Variants in SLCO6A1 observed in about 807,000 individuals in gnomAD.
The protein encoded by SLCO6A1 is cancer/testis antigen 48.
Under a neutral mutation model 72.7 loss-of-function variants are expected in SLCO6A1, and 65 were observed. The observed-to-expected ratio is 0.89, with a 90% CI of 0.73 to 1.10. SLCO6A1 has a LOEUF of 1.10. Among genes scored for constraint, SLCO6A1 ranks in the 50% least tolerant of loss-of-function variants. The pLI, the probability that SLCO6A1 is intolerant of heterozygous loss-of-function variation, is 0.00. For missense variants in SLCO6A1, 874 were observed against 872.6 expected (o/e 1.00, Z -0.02); for synonymous variants, 314 against 298.2 (o/e 1.05, Z -0.55).
chr5:102,472,200 A>T (rs780794145), intron 4 of SLCO6A1, among the ~76,000 whole-genome samples: 14 of 152,072 alleles, frequency 9.2e-5, no homozygotes, highest in Non-Finnish European at 1.9e-4. Flanking sequence ...TTAGAGAGGC[A>T]AACAAAATAT....
chr5:102,437,150 T>C (rs886506788), intron 7 of SLCO6A1, among the ~76,000 whole-genome samples: 1 of 152,184 alleles, frequency 6.6e-6, no homozygotes, highest in African/African-American at 2.4e-5. Flanking sequence ...GCAAAATTTG[T>C]CTGTGACTTG....
chr5:102,404,593 C>T (rs1038799721), intron 9 of SLCO6A1, among the ~76,000 whole-genome samples: 6 of 152,116 alleles, frequency 3.9e-5, no homozygotes, highest in African/African-American at 1.2e-4. Flanking sequence ...GAACTATCAA[C>T]ATTTTTTAAT....
intron 6 of SLCO6A1, among the ~76,000 whole-genome samples, chr5:102,458,165 T>C (rs1048860750): frequency 4.6e-5 from 7 of 152,028 alleles, no homozygotes; most frequent in Non-Finnish European, 1.5e-5. Context: ...AATGAGTTAC[T>C]GGGTTCAGCA....
chr5:102,488,360 C>T (rs568681752), intron 1 of SLCO6A1, among the ~76,000 whole-genome samples: 12 of 152,194 alleles, frequency 7.9e-5, no homozygotes, highest in African/African-American at 2.2e-4. Flanking sequence ...CAATTCTCCT[C>T]GATTTATCAA....
At chr5:102,476,219 T>G (rs369732688) in intron 3 of SLCO6A1, among the ~76,000 whole-genome samples, 1 of 151,924 alleles carries the variant, frequency 6.6e-6, no homozygotes, top group East Asian at 1.9e-4. Context: ...TAAAAAAAAT[T>G]TTAAACACAA....
At chr5:102,475,284 T>C (rs1180888558) in intron 4 of SLCO6A1, among the ~76,000 whole-genome samples, 4 of 152,126 alleles carry the variant, frequency 2.6e-5, no homozygotes, top group Non-Finnish European at 5.9e-5. Flanking sequence ...TATCCTGTTA[T>C]ATGCTACAAC....
intron 13 of SLCO6A1, 55 bp downstream of exon 13, chr5:102,373,282 T>TA: frequency 8.7e-7 from 1 of 1,143,080 alleles, no homozygotes; most frequent in Non-Finnish European, 1.1e-6. Context: ...ATTATTACTT[T>TA]AAATTTTATT....
At chr5:102,452,290 C>T (rs951905177) in intron 6 of SLCO6A1, among the ~76,000 whole-genome samples, 4 of 152,210 alleles carry the variant, frequency 2.6e-5, no homozygotes, top group Non-Finnish European at 4.4e-5. Context: ...TATTCCTTAC[C>T]AAATTCCATC....
At chr5:102,463,890 A>G (rs993604661) in intron 4 of SLCO6A1, among the ~76,000 whole-genome samples, 5 of 95,322 alleles carry the variant, frequency 5.2e-5, no homozygotes, top group African/African-American at 1.4e-4. Flanking sequence ...CCGTCTCAAA[A>G]AAGAAGAAAA....
At chr5:102,476,764 C>A (rs1338650923) in intron 3 of SLCO6A1, among the ~76,000 whole-genome samples, 1 of 151,880 alleles carries the variant, frequency 6.6e-6, no homozygotes, top group East Asian at 1.9e-4. Flanking sequence ...GGTGCTCTAG[C>A]AAGATGATAC....
intron 7 of SLCO6A1, among the ~76,000 whole-genome samples, chr5:102,429,435 G>C (rs1367538280): frequency 6.6e-6 from 1 of 151,880 alleles, no homozygotes; most frequent in African/African-American, 2.4e-5. Flanking sequence ...TTATAGTTTT[G>C]GGTTTTACAT....
At chr5:102,424,120 C>T (rs905180113) in intron 7 of SLCO6A1, among the ~76,000 whole-genome samples, 8 of 152,080 alleles carry the variant, frequency 5.3e-5, no homozygotes, top group African/African-American at 1.9e-4. Context: ...ACAGCTAAAG[C>T]AGTGTTTAGA....
At chr5:102,496,863 C>T (rs1402963862) in intron 1 of SLCO6A1, among the ~76,000 whole-genome samples, 2 of 152,176 alleles carry the variant, frequency 1.3e-5, no homozygotes, top group Admixed American at 1.3e-4. Context: ...AAACAAAACA[C>T]GATTCATTAA....
intron 1 of SLCO6A1, among the ~76,000 whole-genome samples, chr5:102,488,158 T>A (rs1752523303): frequency 6.6e-6 from 1 of 152,194 alleles, no homozygotes; most frequent in Admixed American, 6.5e-5. Flanking sequence ...GAAAATTTTA[T>A]AATGATAAAG....
rs1386528546 is a variant in SLCO6A1, at chr5:102,402,329, C to G, written c.1627-2587G>C. Among the ~76,000 whole-genome samples, 3 of 151,968 alleles carry G rather than the reference C, an allele frequency of 2.0e-5. No homozygotes were observed. The East Asian group carries it at 5.8e-4, about 29-fold the overall frequency. ...TAGAAAGAATGCCAGTGAACCAGGG[C>G]CTAAAATCCTCAAGGAATGGGAGGA... On this transcript the variant is annotated intron_variant, in intron 9 of 13. Coordinates refer to ENST00000506729, the MANE Select transcript of SLCO6A1 (RefSeq NM_173488.5).
chr5:102,393,151 C>T (rs1036012178), intron 10 of SLCO6A1, among the ~76,000 whole-genome samples: 1 of 152,030 alleles, frequency 6.6e-6, no homozygotes, highest in Non-Finnish European at 1.5e-5. Context: ...CAATTTATCT[C>T]CCAATAACCA....
intron 6 of SLCO6A1, among the ~76,000 whole-genome samples, chr5:102,445,386 GA>G (rs1750053568): frequency 6.6e-6 from 1 of 152,068 alleles, no homozygotes; most frequent in Admixed American, 6.6e-5. Flanking sequence ...AGACACTCTT[GA>G]AAAAGTGTCT....
intron 6 of SLCO6A1, among the ~76,000 whole-genome samples, chr5:102,457,899 A>G (rs567089152): frequency 6.6e-4 from 101 of 152,292 alleles, no homozygotes; most frequent in Non-Finnish European, 8.5e-4. Context: ...TGGCATATAT[A>G]CACCATGGAA....
chr5:102,410,195 C>T (rs923767827), intron 9 of SLCO6A1, among the ~76,000 whole-genome samples: 12 of 152,058 alleles, frequency 7.9e-5, no homozygotes, highest in African/African-American at 2.9e-4. Flanking sequence ...GTCATCCTGT[C>T]CAGTGTTCAG....
Sources: allele counts gnomAD v4.1 joint callset (sites outside exome capture counted in the v4.1 genomes callset), GRCh38; gene constraint gnomAD v4.1.1; transcripts MANE v1.5; gene names NCBI Gene and HGNC (gene_info 2026-07-23, HGNC 2026-07-21).